STK3: variants seen among roughly 807,000 people sequenced by gnomAD.
The protein encoded by STK3 is serine/threonine kinase 3.
STK3 carries 41 observed loss-of-function variants against 58.0 expected under a neutral mutation model. The ratio of observed to expected loss-of-function variants is 0.71; its 90% CI spans 0.55 to 0.92. The LOEUF (loss-of-function observed/expected upper bound fraction) is 0.92. Among genes scored for constraint, STK3 ranks in the 40% least tolerant of loss-of-function variants. STK3 has a pLI of 0.00. For synonymous variants in STK3, 170 were observed against 191.0 expected (o/e 0.89, Z 0.91); for missense variants, 479 against 602.7 (o/e 0.79, Z 2.15).
chr8:98,903,540 TCTTCTTCTTCTTCTTC>T (rs760409432), intron 1 of STK3, among the ~76,000 whole-genome samples: 5,721 of 38,640 alleles, frequency 0.15, 315 homozygotes, highest in Middle Eastern at 0.18. Flanking sequence ...TTCTTCTTCT[TCTTCTTCTTCTTCTTC>T]CTTTTTTTTT....
the STK3 span, among the ~76,000 whole-genome samples, chr8:98,362,993 C>T: frequency 2.2e-3 from 342 of 152,292 alleles, 5 homozygotes; most frequent in African/African-American, 7.6e-3. Flanking sequence ...TTATCAGTCT[C>T]TCTCTCACAC....
At chr8:98,822,192 C>T (rs1196184562) in intron 1 of STK3, among the ~76,000 whole-genome samples, 1 of 152,172 alleles carries the variant, frequency 6.6e-6, no homozygotes, top group East Asian at 1.9e-4. Flanking sequence ...AGAAGAAATA[C>T]ACATGGTGGC....
intron 6 of STK3, chr8:98,598,835 C>G (rs1816060717): frequency 1.0e-6 from 1 of 985,250 alleles, no homozygotes; most frequent in East Asian, 1.1e-4. Context: ...TAACTACATA[C>G]CAAACCTCTG....
chr8:98,649,130 T>G (rs1820661222), intron 6 of STK3, among the ~76,000 whole-genome samples: 1 of 152,124 alleles, frequency 6.6e-6, no homozygotes, highest in South Asian at 2.1e-4. Context: ...TTCCTATGTG[T>G]CATTAGTCTA....
chr8:98,636,629 G>A (rs745816576), intron 6 of STK3, among the ~76,000 whole-genome samples: 2 of 152,096 alleles, frequency 1.3e-5, no homozygotes, highest in African/African-American at 2.4e-5. Context: ...GCTGTTTATA[G>A]TTATTGTACT....
intron 4 of STK3, among the ~76,000 whole-genome samples, chr8:98,715,513 CA>C (rs1030777824): frequency 6.6e-6 from 1 of 152,064 alleles, no homozygotes; most frequent in African/African-American, 2.4e-5. Flanking sequence ...CTTATGCAGC[CA>C]AAAGACCCAT....
the STK3 span, among the ~76,000 whole-genome samples, chr8:98,359,344 TAAAAAAAA>T: frequency 2.9e-4 from 16 of 55,722 alleles, no homozygotes; most frequent in African/African-American, 6.6e-4. Flanking sequence ...CCATCTCAAC[TAAAAAAAA>T]AAAAAAAAAA....
chr8:98,351,157 G>GA, the STK3 span, among the ~76,000 whole-genome samples: 1 of 152,136 alleles, frequency 6.6e-6, no homozygotes, highest in Non-Finnish European at 1.5e-5. Flanking sequence ...ACAACTTAGG[G>GA]AAACTGGCTC....
At chr8:98,649,516 A>G (rs943034366) in intron 6 of STK3, among the ~76,000 whole-genome samples, 3 of 152,148 alleles carry the variant, frequency 2.0e-5, no homozygotes, top group Admixed American at 6.5e-5. Flanking sequence ...CAAAGATTCA[A>G]TTTTCTTTCA....
At chr8:98,894,516 T>G (rs910752687) in intron 1 of STK3, among the ~76,000 whole-genome samples, 1 of 152,216 alleles carries the variant, frequency 6.6e-6, no homozygotes, top group African/African-American at 2.4e-5. Flanking sequence ...GCCCCAGCAT[T>G]CTTGATTCCC....
intron 6 of STK3, among the ~76,000 whole-genome samples, chr8:98,693,738 T>C (rs1347610167): frequency 6.6e-6 from 1 of 152,192 alleles, no homozygotes; most frequent in Non-Finnish European, 1.5e-5. Flanking sequence ...TACAAATACC[T>C]ACACAGCAGG....
the STK3 span, among the ~76,000 whole-genome samples, chr8:98,347,459 G>C: frequency 6.6e-6 from 1 of 151,452 alleles, no homozygotes; most frequent in Non-Finnish European, 1.5e-5. Context: ...AGCTTGCAGT[G>C]AGCCAAGATT....
chr8:98,542,354 A>G (rs968731940), intron 9 of STK3, among the ~76,000 whole-genome samples: 2 of 151,858 alleles, frequency 1.3e-5, no homozygotes, highest in African/African-American at 4.8e-5. Flanking sequence ...TATCAAACAC[A>G]CTCTCGGTCA....
chr8:98,580,026 C>T (rs1254164730), intron 7 of STK3, among the ~76,000 whole-genome samples: 1 of 151,914 alleles, frequency 6.6e-6, no homozygotes, highest in Non-Finnish European at 1.5e-5. Context: ...AAATGCAACC[C>T]TGTTAATAAA....
Position 98,612,398 on chromosome 8 carries a change from T to TAC in STK3, c.685-16231_685-16230dup, listed in dbSNP as rs150204604. 8.5e-3 allele frequency among the ~76,000 whole-genome samples: 1,256 copies of TAC among 148,628 alleles called. 17 individuals carry two copies. The highest frequency in any genetic ancestry group is 0.029 in the African/African-American group (1,171 of 40,280). ...CTGTTTCTAAACATATATATATATA[T>TAC]ACACACACACACATATGAATTCTAT... On this transcript the variant is annotated intron_variant, in intron 6 of 10. Transcript: ENST00000419617.
intron 3 of STK3, among the ~76,000 whole-genome samples, chr8:98,852,324 G>A (rs1836503470): frequency 6.6e-6 from 1 of 152,004 alleles, no homozygotes; most frequent in African/African-American, 2.4e-5. Flanking sequence ...AGTAGAGGTG[G>A]GGTTTCACCA....
chr8:98,372,661 A>C (rs1817623593), intron 2 of STK3, among the ~76,000 whole-genome samples: 1 of 152,088 alleles, frequency 6.6e-6, no homozygotes, highest in Non-Finnish European at 1.5e-5. Flanking sequence ...CCACTTCCAC[A>C]TTGTAGGCAG....
chr8:98,369,508 A>T (rs1817591751), downstream of STK3, among the ~76,000 whole-genome samples: 1 of 151,914 alleles, frequency 6.6e-6, no homozygotes, highest in Non-Finnish European at 1.5e-5. Flanking sequence ...CAGCTGGAGG[A>T]TGTAAGATGA....
chr8:98,360,364 G>A, the STK3 span, among the ~76,000 whole-genome samples: 3 of 152,114 alleles, frequency 2.0e-5, no homozygotes, highest in Admixed American at 1.3e-4. Flanking sequence ...GTAAACTTGC[G>A]CTCCACAAAG....
Sources: allele counts gnomAD v4.1 joint callset (sites outside exome capture counted in the v4.1 genomes callset), GRCh38; gene constraint gnomAD v4.1.1; transcripts MANE v1.5; gene names NCBI Gene and HGNC (gene_info 2026-07-23, HGNC 2026-07-21).